DIPK2A: variants seen among roughly 807,000 people sequenced by gnomAD.
DIPK2A encodes Golgi Protein of 49 kDa.
DIPK2A carries 27 observed loss-of-function variants against 39.0 expected under a neutral mutation model. The ratio of observed to expected loss-of-function variants is 0.69; its 90% CI spans 0.51 to 0.96. The LOEUF is 0.96. Among genes scored for constraint, DIPK2A ranks in the 40% least tolerant of loss-of-function variants. The pLI is 0.00. For synonymous variants in DIPK2A, 298 were observed against 240.8 expected, an observed-to-expected ratio of 1.24 and a Z score of -2.20; for missense variants, 528 against 571.3, an observed-to-expected ratio of 0.92 and a Z score of 0.77.
At chr3:143,983,937 A>T (rs564954489) in intron 1 of DIPK2A, among the ~76,000 whole-genome samples, 51 of 152,350 alleles carry the variant, frequency 3.3e-4, no homozygotes, top group African/African-American at 1.2e-3. Context: ...AGTCACTTCC[A>T]TTAATTATCT....
chr3:143,976,895 A>G (rs1467633704), intron 1 of DIPK2A, among the ~76,000 whole-genome samples: 1 of 152,118 alleles, frequency 6.6e-6, no homozygotes, highest in African/African-American at 2.4e-5. Context: ...TAAGCATTCA[A>G]TAAATGTTAG....
At chr3:143,982,705 A>G (rs1559855550) in intron 1 of DIPK2A, among the ~76,000 whole-genome samples, 1 of 152,178 alleles carries the variant, frequency 6.6e-6, no homozygotes, top group Non-Finnish European at 1.5e-5. Flanking sequence ...GAGCAAAATA[A>G]CCAGCTAGCA....
intron 1 of DIPK2A, among the ~76,000 whole-genome samples, chr3:143,983,006 C>T (rs553255941): frequency 7.9e-5 from 12 of 152,124 alleles, no homozygotes; most frequent in South Asian, 2.1e-4. Context: ...TAATGGTAAA[C>T]GGATCAATGC....
At position 143,991,576 on chromosome 3, in the gene DIPK2A, A is replaced by G. The variant is rs2087989438; in HGVS notation, c.*1735A>G. ...ATGCCAGTTTAAAAACTGGAAGGAAAAGGTAAGAGCTCTCCATTATAAAAT... is the reference window on the plus strand; with the variant it reads ...ATGCCAGTTTAAAAACTGGAAGGAAGAGGTAAGAGCTCTCCATTATAAAAT... On this transcript the variant is annotated 3_prime_UTR_variant, in exon 3 of 3. Transcript: ENST00000315691. 1 of 152,654 alleles carries G rather than the reference A, an allele frequency of 6.6e-6. No individual in the cohort carries two copies. The highest frequency in any genetic ancestry group is 1.5e-5 in the Non-Finnish European group (1 of 68,006). 9.5% of individuals were successfully genotyped at this position (152,654 alleles called of 1,614,324 possible).
At chr3:143,973,201 A>T in intron 1 of DIPK2A, 1 of 1,017,364 alleles carries the variant, frequency 9.8e-7, no homozygotes, top group Non-Finnish European at 1.5e-6. Context: ...TGCTCTTGTT[A>T]CCTAGATTCG....
In DIPK2A at chr3:143,974,431, A is replaced by G. The variant is rs116629405; in HGVS notation, c.657+1442A>G. The stretch of plus-strand genomic sequence containing the variant: ...AACTGGTTAAACTTTCCTTGAAGAA[A>G]TTTTCTTTATTCAGTAGTTCCCAAA... On this transcript the variant is annotated intron_variant, in intron 1 of 2. Transcript: ENST00000315691. Among the ~76,000 whole-genome samples, 666 of 152,248 alleles carry G rather than the reference A, an allele frequency of 4.4e-3. 6 individuals are homozygous for G. Among genetic ancestry groups the G allele is most frequent in the African/African-American group, 0.015 (637 of 41,560 alleles).
intron 1 of DIPK2A, among the ~76,000 whole-genome samples, chr3:143,975,288 C>T (rs1210917622): frequency 6.6e-6 from 1 of 151,946 alleles, no homozygotes; most frequent in East Asian, 1.9e-4. Flanking sequence ...TTAGTACCAG[C>T]CAGTCATATA....
chr3:143,981,822 A>G (rs771727081), intron 1 of DIPK2A, among the ~76,000 whole-genome samples: 3 of 152,334 alleles, frequency 2.0e-5, no homozygotes, highest in Non-Finnish European at 4.4e-5. Flanking sequence ...AAAGATAATT[A>G]TAGCTTGGCC....
At chr3:143,988,585 C>A (rs1349730236) in intron 2 of DIPK2A, among the ~76,000 whole-genome samples, 1 of 152,086 alleles carries the variant, frequency 6.6e-6, no homozygotes, top group African/African-American at 2.4e-5. Flanking sequence ...GTTTTTCAAG[C>A]CTTGACTCCT....
In DIPK2A at chr3:143,972,566, C is replaced by G; in HGVS notation, c.234C>G (p.Gly78=). The change falls in exon 1 of 3, where the codon GGC becomes GGG. Residue 78 remains glycine (G), a synonymous_variant. Transcript: ENST00000315691. ...LNGQVVFEAW[G]RLRLLDFLNV... Reference sequence around the variant, plus strand: ...GGCAGGTGGTATTCGAGGCGTGGGGCCGCTTGCGCCTGCTGGACTTCCTCA... The same window carrying G: ...GGCAGGTGGTATTCGAGGCGTGGGGGCGCTTGCGCCTGCTGGACTTCCTCA... The G allele has an allele frequency of 6.2e-7, 1 of 1,612,294 alleles. No individual in the cohort carries two copies. Among genetic ancestry groups the G allele is most frequent in the Non-Finnish European group, 8.5e-7 (1 of 1,179,714 alleles).
intron 1 of DIPK2A, among the ~76,000 whole-genome samples, chr3:143,984,856 A>C (rs1334788651): frequency 6.6e-6 from 1 of 152,146 alleles, no homozygotes; most frequent in African/African-American, 2.4e-5. Context: ...AGGTTGCATT[A>C]ATAGGATATC....
At chr3:143,978,660 C>CTATATA (rs1213006964) in intron 1 of DIPK2A, 2 of 76,068 alleles carry the variant, frequency 2.6e-5, no homozygotes, top group African/African-American at 5.1e-5. Flanking sequence ...ATATATATAT[C>CTATATA]TATATATAGA....
In DIPK2A at chr3:143,990,831, C is replaced by A. The variant is rs1332313266; in HGVS notation, c.*990C>A. 6.6e-6 allele frequency: 1 copy of A among 152,554 alleles called. No homozygotes were observed. The highest frequency in any genetic ancestry group is 1.5e-5 in the Non-Finnish European group (1 of 67,990). 9.5% of individuals were successfully genotyped at this position (152,554 alleles called of 1,614,324 possible). ...CCACCCTACTTCCAGTATTTTAGCT[C>A]TGTCATTATTAAATTCAGATCTTCC... is the stretch of plus-strand genomic sequence containing the variant. On this transcript the variant is annotated 3_prime_UTR_variant, in exon 3 of 3. Transcript: ENST00000315691.
intron 1 of DIPK2A, among the ~76,000 whole-genome samples, chr3:143,982,918 A>G (rs897129782): frequency 6.6e-6 from 1 of 152,152 alleles, no homozygotes. Context: ...CACAAAAAAA[A>G]CAAAAGGGGT....
At chr3:143,989,193 G>A (rs562092067) in intron 2 of DIPK2A, among the ~76,000 whole-genome samples, 1 of 152,156 alleles carries the variant, frequency 6.6e-6, no homozygotes, top group East Asian at 1.9e-4. Flanking sequence ...ACAGCCCCAG[G>A]GACAAGTGCT....
Position 143,992,088 on chromosome 3 carries a change from A to C in DIPK2A, c.*2247A>C, listed in dbSNP as rs2087995940. ...AATTACAGGGAAAAATATGTAAGTG[A>C]AAAGCAATAAATATTTTGTTCACTT... On this transcript the variant is annotated 3_prime_UTR_variant, in exon 3 of 3. Transcript: ENST00000315691. 6.5e-6 allele frequency: 1 copy of C among 152,680 alleles called. No individual in the cohort carries two copies. Among genetic ancestry groups the C allele is most frequent in the Non-Finnish European group, 1.5e-5 (1 of 68,038 alleles). The allele number at this position is 152,680 out of a possible 1,614,324, so 9.5% of individuals were successfully genotyped here. A position where few individuals can be genotyped will look rare whatever the true frequency, so the allele number is the denominator to read the frequency against.
At position 143,972,013 on chromosome 3, in the gene DIPK2A, C is replaced by A. The variant is rs1157270200; in HGVS notation, c.-320C>A. ...GGGCACGGGCGCGCGACCGTCGGGT[C>A]CCCGCGCTCCCTCCCCCTCCCGCTC... On this transcript the variant is annotated 5_prime_UTR_variant, in exon 1 of 3. Transcript: ENST00000315691. The A allele has an allele frequency of 6.6e-6, 2 of 304,722 alleles. No individual in the cohort carries two copies. Among genetic ancestry groups the A allele is most frequent in the Non-Finnish European group, 1.2e-5 (2 of 166,104 alleles). 18.9% of individuals were successfully genotyped at this position (304,722 alleles called of 1,614,324 possible). A position where few individuals can be genotyped will look rare whatever the true frequency, so the allele number is the denominator to read the frequency against.
chr3:143,980,430 G>A (rs56367637), intron 1 of DIPK2A, among the ~76,000 whole-genome samples: 8,511 of 151,996 alleles, frequency 0.056, 813 homozygotes, highest in African/African-American at 0.19. Flanking sequence ...ACCACGCCTG[G>A]CTAATTTTTG....
chr3:143,974,420 T>C (rs566342760), intron 1 of DIPK2A, among the ~76,000 whole-genome samples: 49 of 152,366 alleles, frequency 3.2e-4, no homozygotes, highest in African/African-American at 1.1e-3. Flanking sequence ...GGTTAAACTT[T>C]CCTTGAAGAA....
Sources: gnomAD v4.1 joint callset for allele counts (sites outside exome capture counted in the v4.1 genomes callset) on GRCh38, gnomAD v4.1.1 for gene constraint, MANE v1.5 for transcripts, NCBI Gene and HGNC (gene_info 2026-07-23, HGNC 2026-07-21) for gene names.